The following NUP210 variants were observed in gnomAD, a reference collection of about 807,000 sequenced individuals.
NUP210 encodes the protein nuclear pore membrane glycoprotein 210.
Under a neutral mutation model 196.0 loss-of-function variants are expected in NUP210, and 151 were observed. That is an observed-to-expected ratio of 0.77 (90% CI 0.67 to 0.88). The LOEUF (loss-of-function observed/expected upper bound fraction) is 0.88. Among genes scored for constraint, NUP210 ranks in the 40% least tolerant of loss-of-function variants. The pLI is 0.00. For synonymous variants in NUP210, 1,070 were observed against 1,052.7 expected, an observed-to-expected ratio of 1.02 and a Z score of -0.32; for missense variants, 2,314 against 2,493.7, an observed-to-expected ratio of 0.93 and a Z score of 1.53.
intron 14 of NUP210, 150 bp from the exon 15 acceptor site, chr3:13,360,641 CA>C: frequency 1.6e-6 from 1 of 618,784 alleles, no homozygotes; most frequent in African/African-American, 1.8e-5. Context: ...TCGTCATCTG[CA>C]GCACTCACAG....
rs1576368486 is a variant in NUP210 at position 13,347,021 on chromosome 3, T to C, written c.2836-3718A>G. On this transcript the variant is annotated intron_variant, in intron 20 of 39. Coordinates refer to ENST00000254508, the MANE Select transcript of NUP210 (RefSeq NM_024923.4). This position sits in a 1 kb window ranked among gnomAD's most constrained non-coding sequence, Gnocchi z 4.7. ...CCACAGATCAGTCTCAGGGAAAAGG[T>C]GGATGCACCTGACTTCAGGCCCTGC... 1 of 985,208 alleles carries C rather than the reference T, an allele frequency of 1.0e-6. No homozygotes were observed. The highest frequency in any genetic ancestry group is 1.2e-6 in the Non-Finnish European group (1 of 829,904). 61.0% of individuals were successfully genotyped at this position (985,208 alleles called of 1,614,324 possible).
Position 13,324,057 on chromosome 3 carries a change from C to T in NUP210, c.4645-625G>A, listed in dbSNP as rs550912109. On this transcript the variant is annotated intron_variant, in intron 33 of 39. Transcript: ENST00000254508. ...GTAGGTGAACTTCAGAGCAGGGATG[C>T]GATTGAAGCCCCTGCAGCTCCCAGG... Among the ~76,000 whole-genome samples the T allele has an allele frequency of 1.2e-3, 181 of 152,304 alleles. 3 individuals carry two copies. The South Asian group carries it at 0.036, about 31-fold the overall frequency.
chr3:13,389,795 A>G (rs1446661007), intron 4 of NUP210, among the ~76,000 whole-genome samples: 1 of 152,178 alleles, frequency 6.6e-6, no homozygotes, highest in African/African-American at 2.4e-5. Flanking sequence ...AAGGACTTAT[A>G]ATTATATAGG....
At chr3:13,354,313 C>T in intron 16 of NUP210, 3 of 580,920 alleles carry the variant, frequency 5.2e-6, no homozygotes, top group Non-Finnish European at 6.2e-6. Flanking sequence ...TGGCTCCAGA[C>T]CACAGCTCTC....
At chr3:13,346,301 A>T (rs1268382516) in intron 20 of NUP210, among the ~76,000 whole-genome samples, 1 of 152,178 alleles carries the variant, frequency 6.6e-6, no homozygotes, top group Non-Finnish European at 1.5e-5. Context: ...GCAGAGTGAG[A>T]CCCTGCACCC....
intron 1 of NUP210, among the ~76,000 whole-genome samples, chr3:13,415,444 G>A (rs930551145): frequency 1.4e-4 from 22 of 152,236 alleles, no homozygotes; most frequent in African/African-American, 5.1e-4. Flanking sequence ...AGATGATAAC[G>A]CAATCGACCA....
At position 13,328,657 on chromosome 3, in the gene NUP210, GAAGT is replaced by G. The variant is rs1204804030; in HGVS notation, c.4286+110_4286+113del. 5.8e-6 allele frequency: 6 copies of G among 1,029,454 alleles called. No individual in the cohort carries two copies. The African/African-American group carries it at 7.9e-5, about 14-fold the overall frequency. 63.8% of individuals were successfully genotyped at this position (1,029,454 alleles called of 1,614,324 possible). On this transcript the variant is annotated intron_variant, in intron 31 of 39. Transcript: ENST00000254508. ...AGCATGCCCACATCTCTTGGAAACT[GAAGT>G]AATACACATCTTCCTTCAACAGCAG...
At chr3:13,374,016 A>T (rs552233004) in intron 11 of NUP210, 143 bp from the exon 12 acceptor site, 1 of 933,110 alleles carries the variant, frequency 1.1e-6, no homozygotes, top group Non-Finnish European at 1.6e-6. Context: ...ACCCATGCAC[A>T]CACTCACCAT....
chr3:13,381,703 C>A (rs1699106484), intron 6 of NUP210, among the ~76,000 whole-genome samples: 1 of 152,164 alleles, frequency 6.6e-6, no homozygotes, highest in South Asian at 2.1e-4. Context: ...GAAAGGCGCT[C>A]CTGAGGCCCC....
chr3:13,379,648 G>A lies in NUP210; in HGVS notation c.891C>T (p.Ala297=). 1 of 1,614,056 alleles carries A rather than the reference G, an allele frequency of 6.2e-7. No individual in the cohort carries two copies. Among genetic ancestry groups the A allele is most frequent in the Non-Finnish European group, 8.5e-7 (1 of 1,180,016 alleles). Residue 297 remains alanine (A), a synonymous_variant, in exon 7 of 40, where the codon GCC becomes GCT. Transcript: ENST00000254508. The surrounding 1 kb of genome is among the most constrained non-coding windows in gnomAD (Gnocchi z 4.2). ...NSIPGPEGDP[A]RPVAVLAQDT... ...CCTGGGCCAAGACAGCCACCGGCCG[G>A]GCTGGGTCTCCTTCGGGGCCCGGGA...
chr3:13,324,008 C>T (rs930382830), intron 33 of NUP210, among the ~76,000 whole-genome samples: 4 of 152,216 alleles, frequency 2.6e-5, no homozygotes, highest in African/African-American at 9.7e-5. Context: ...CGCTCCCTGC[C>T]TCCAGGAGAT....
At chr3:13,325,745 C>G (rs376699347) in intron 33 of NUP210, 50 bp downstream of exon 33, 31 of 1,599,020 alleles carry the variant, frequency 1.9e-5, no homozygotes, top group Non-Finnish European at 2.5e-5. Context: ...AGGTCAGGCC[C>G]GCCTCACAGG....
At chr3:13,414,698 A>G (rs1700288845) in intron 1 of NUP210, among the ~76,000 whole-genome samples, 1 of 151,796 alleles carries the variant, frequency 6.6e-6, no homozygotes, top group Non-Finnish European at 1.5e-5. Context: ...GTCCCCTCCA[A>G]CTCAACCCCA....
chr3:13,400,084 C>T (rs1699786337), intron 1 of NUP210, among the ~76,000 whole-genome samples: 1 of 152,202 alleles, frequency 6.6e-6, no homozygotes, highest in East Asian at 1.9e-4. Flanking sequence ...GGCCTGTGCA[C>T]ACAGTTCCCA....
intron 1 of NUP210, among the ~76,000 whole-genome samples, chr3:13,419,649 A>C (rs1287259895): frequency 4.6e-5 from 7 of 152,162 alleles, no homozygotes; most frequent in Admixed American, 4.6e-4. Context: ...GAGGGCGGTC[A>C]CAGACAAACC....
At chr3:13,401,570 G>A (rs1057004777) in intron 1 of NUP210, among the ~76,000 whole-genome samples, 45 of 152,158 alleles carry the variant, frequency 3.0e-4, no homozygotes, top group African/African-American at 1.0e-3. Flanking sequence ...GCACAGAGTC[G>A]AGGAACACAG....
chr3:13,388,164 C>T (rs1699347933), intron 5 of NUP210, 139 bp downstream of exon 5: 3 of 649,902 alleles, frequency 4.6e-6, no homozygotes, highest in Admixed American at 2.9e-5. Flanking sequence ...AAAATATGAA[C>T]CCACATCCTG....
chr3:13,363,677 T>C (rs935808226), intron 14 of NUP210, among the ~76,000 whole-genome samples: 8 of 152,234 alleles, frequency 5.3e-5, no homozygotes, highest in African/African-American at 1.9e-4. Flanking sequence ...CACTTGGCTT[T>C]TGTTCCTTGT....
rs772216662 is a variant in NUP210 at position 13,350,389 on chromosome 3, A to G, written c.2835+1490T>C. On this transcript the variant is annotated intron_variant, in intron 20 of 39. Transcript: ENST00000254508. The surrounding 1 kb of genome is among the most constrained non-coding windows in gnomAD (Gnocchi z 4.1). ...TGGGGAATCAGTACCCAGAGTTTCTACAATACATTACCTAAAATGTCCAGT... is the reference window on the plus strand; with the variant it reads ...TGGGGAATCAGTACCCAGAGTTTCTGCAATACATTACCTAAAATGTCCAGT... 2.0e-5 allele frequency among the ~76,000 whole-genome samples: 3 copies of G among 152,316 alleles called. No homozygotes were observed. Among genetic ancestry groups the G allele is most frequent in the East Asian group, 1.9e-4 (1 of 5,190 alleles).
Sources: gnomAD v4.1 joint callset for allele counts (sites outside exome capture counted in the v4.1 genomes callset) on GRCh38, gnomAD v4.1.1 for gene constraint, Gnocchi (gnomAD v3.1) non-coding constraint, MANE v1.5 for transcripts, NCBI Gene and HGNC (gene_info 2026-07-23, HGNC 2026-07-21) for gene names.